MACROD2: variants seen among roughly 807,000 people sequenced by gnomAD.
MACROD2 encodes the protein mono-ADP ribosylhydrolase 2.
In MACROD2, 36 loss-of-function variants were observed where a neutral mutation model predicts 70.4. The ratio of observed to expected loss-of-function variants is 0.51; its 90% CI spans 0.39 to 0.68. The LOEUF (loss-of-function observed/expected upper bound fraction) is 0.68. MACROD2 is among the 30% of genes least tolerant of loss of function. The probability of loss-of-function intolerance (pLI) is 0.00; values close to 1 mark genes in which losing one functional copy is unlikely to be tolerated. For missense variants in MACROD2, 496 were observed against 538.4 expected, an observed-to-expected ratio of 0.92 and a Z score of 0.78; for synonymous variants, 172 against 178.8, an observed-to-expected ratio of 0.96 and a Z score of 0.30.
intron 5 of MACROD2, among the ~76,000 whole-genome samples, chr20:15,209,847 C>T (rs2076746093): frequency 6.6e-6 from 1 of 152,186 alleles, no homozygotes; most frequent in Non-Finnish European, 1.5e-5. Context: ...AAGGGATCTA[C>T]TTCAGTTCCT....
intron 8 of MACROD2, among the ~76,000 whole-genome samples, chr20:15,688,763 T>G (rs1173130433): frequency 6.6e-6 from 1 of 152,210 alleles, no homozygotes; most frequent in East Asian, 1.9e-4. Context: ...GTGGGTCCTA[T>G]GCCATATGAA....
intron 3 of MACROD2, among the ~76,000 whole-genome samples, chr20:14,198,581 A>G (rs949606826): frequency 6.6e-6 from 1 of 152,222 alleles, no homozygotes; most frequent in East Asian, 1.9e-4. Flanking sequence ...AGTCTATGTT[A>G]ATAAACCCAG....
At chr20:15,595,959 A>G (rs1482827580) in intron 8 of MACROD2, among the ~76,000 whole-genome samples, 5 of 152,190 alleles carry the variant, frequency 3.3e-5, no homozygotes, top group Admixed American at 6.5e-5. Context: ...TACTATCTAC[A>G]TATATTATGT....
chr20:14,481,014 A>T (rs913004), intron 3 of MACROD2, among the ~76,000 whole-genome samples: 43,354 of 151,978 alleles, frequency 0.29, 6,266 homozygotes, highest in Admixed American at 0.32. Context: ...ACTTCAGGTT[A>T]TGATGAAGAT....
At chr20:15,344,585 C>T (rs1191788789) in intron 6 of MACROD2, among the ~76,000 whole-genome samples, 1 of 152,008 alleles carries the variant, frequency 6.6e-6, no homozygotes. Flanking sequence ...TTATGTTCTC[C>T]CAGAGAACAT....
At chr20:14,274,377 A>T (rs1185976114) in intron 3 of MACROD2, among the ~76,000 whole-genome samples, 50 of 152,338 alleles carry the variant, frequency 3.3e-4, no homozygotes, top group Non-Finnish European at 1.5e-5. Context: ...GCATATAAAC[A>T]GAACGAAAGA....
intron 3 of MACROD2, among the ~76,000 whole-genome samples, chr20:14,195,686 C>T (rs551827255): frequency 5.8e-4 from 89 of 152,204 alleles, no homozygotes; most frequent in African/African-American, 2.0e-3. Context: ...GAGGGGAGCA[C>T]GCCGGATGCT....
chr20:14,887,544 A>C (rs2073695141), intron 5 of MACROD2, among the ~76,000 whole-genome samples: 1 of 151,548 alleles, frequency 6.6e-6, no homozygotes, highest in Non-Finnish European at 1.5e-5. Flanking sequence ...AGGCACACCC[A>C]GCTAATTCTT....
chr20:14,441,958 AGAATT>A (rs1393219665), intron 3 of MACROD2, among the ~76,000 whole-genome samples: 3 of 152,110 alleles, frequency 2.0e-5, no homozygotes, highest in African/African-American at 7.3e-5. Flanking sequence ...AGGAATCTGA[AGAATT>A]GAGATAAATT....
intron 2 of MACROD2, among the ~76,000 whole-genome samples, chr20:14,078,029 A>C (rs577179746): frequency 3.3e-5 from 5 of 151,358 alleles, no homozygotes; most frequent in African/African-American, 1.2e-4. Flanking sequence ...CAGCCTCCCG[A>C]GTAGCTGGGA....
intron 4 of MACROD2, among the ~76,000 whole-genome samples, chr20:14,539,258 T>C (rs1011872267): frequency 1.3e-5 from 2 of 152,226 alleles, no homozygotes; most frequent in African/African-American, 2.4e-5. Flanking sequence ...GGAAAAGGCA[T>C]AGCAGTTGTT....
intron 3 of MACROD2, among the ~76,000 whole-genome samples, chr20:14,475,406 G>A (rs1185917428): frequency 6.6e-6 from 1 of 152,096 alleles, no homozygotes; most frequent in Non-Finnish European, 1.5e-5. Context: ...CATGATTACA[G>A]TATTAGAGTA....
At chr20:14,561,938 G>T (rs763737437) in intron 4 of MACROD2, among the ~76,000 whole-genome samples, 1 of 151,274 alleles carries the variant, frequency 6.6e-6, no homozygotes, top group Non-Finnish European at 1.5e-5. Context: ...ATTCCAAGTT[G>T]AGGTCAAAAA....
Position 15,447,049 on chromosome 20 carries a change from TGC to T in MACROD2, c.571+15616_571+15617del, listed in dbSNP as rs1403978766. ...GTGGCAGTACTGGGACCTAAGAGTG[TGC>T]GTGTGTGTGTGTGTGTGTGTGTGTG... On this transcript the variant is annotated intron_variant, in intron 7 of 17. Coordinates refer to ENST00000684519, the MANE Select transcript of MACROD2 (RefSeq NM_001351661.2). 9.9e-4 allele frequency among the ~76,000 whole-genome samples: 105 copies of T among 106,284 alleles called. 1 individual carries two copies. Among genetic ancestry groups the T allele is most frequent in the African/African-American group, 3.0e-3 (95 of 31,462 alleles). 69.7% of individuals were successfully genotyped at this position (106,284 alleles called of 152,430 possible). A position where few individuals can be genotyped will look rare whatever the true frequency, so the allele number is the denominator to read the frequency against.
chr20:15,712,121 A>C (rs1600795001), intron 8 of MACROD2, among the ~76,000 whole-genome samples: 1 of 152,242 alleles, frequency 6.6e-6, no homozygotes, highest in African/African-American at 2.4e-5. Flanking sequence ...TCCAGCAGCC[A>C]AAATGTTGTT....
chr20:14,178,110 A>G (rs530024958), intron 3 of MACROD2, among the ~76,000 whole-genome samples: 2 of 152,260 alleles, frequency 1.3e-5, no homozygotes, highest in South Asian at 2.1e-4. Flanking sequence ...GAAAAGGCTG[A>G]TATCTCTAAT....
rs1033814942 is a variant in MACROD2, at chr20:14,106,208, C to T, written c.271+20480C>T. 2.0e-5 allele frequency among the ~76,000 whole-genome samples: 3 copies of T among 152,294 alleles called. No individual in the cohort carries two copies. In the South Asian group the frequency reaches 6.2e-4, roughly 32 times the overall value. On this transcript the variant is annotated intron_variant, in intron 3 of 17. Coordinates refer to ENST00000684519, the MANE Select transcript of MACROD2 (RefSeq NM_001351661.2). ...GTCCTAGGCCTGGTAGCATTCACCA[C>T]AAGCTGACTGAAGACCCCTTGGGTT...
intron 5 of MACROD2, among the ~76,000 whole-genome samples, chr20:14,873,496 G>T (rs1430665831): frequency 6.6e-6 from 1 of 152,106 alleles, no homozygotes; most frequent in Non-Finnish European, 1.5e-5. Flanking sequence ...GAATGCTCCA[G>T]ACTCAGATGA....
intron 8 of MACROD2, among the ~76,000 whole-genome samples, chr20:15,642,271 A>T (rs2049471609): frequency 6.6e-6 from 1 of 152,216 alleles, no homozygotes. Context: ...TTCTGAAAGG[A>T]TAGATAGTAT....
Sources: allele counts gnomAD v4.1 joint callset (sites outside exome capture counted in the v4.1 genomes callset), GRCh38; gene constraint gnomAD v4.1.1; transcripts MANE v1.5; gene names NCBI Gene and HGNC (gene_info 2026-07-23, HGNC 2026-07-21).